TTN: variants seen among roughly 807,000 people sequenced by gnomAD.
TTN encodes connectin.
A neutral mutation model predicts 3,223.0 loss-of-function variants in TTN; 1,525 were observed. The observed-to-expected ratio is 0.47, with a 90% confidence interval of 0.45 to 0.49. The LOEUF is 0.49. TTN is among the 20% of genes least tolerant of loss of function. TTN has a pLI of 0.00. For missense variants in TTN, 40,786 were observed against 43,424.0 expected (o/e 0.94, Z 5.40); for synonymous variants, 14,094 against 15,161.0 (o/e 0.93, Z 5.17).
rs897307802 is a variant in TTN at position 178,682,621 on chromosome 2, T to A, written c.33094+76A>T. 52 of 1,353,176 alleles carry A rather than the reference T, an allele frequency of 3.8e-5. 1 individual carries two copies. The South Asian group carries it at 8.7e-4, about 23-fold the overall frequency. 83.8% of individuals were successfully genotyped at this position (1,353,176 alleles called of 1,614,324 possible). A position where few individuals can be genotyped will look rare whatever the true frequency, so the allele number is the denominator to read the frequency against. On this transcript the variant is annotated intron_variant, in intron 135 of 362. Transcript: ENST00000589042. ...TTGGGTATCCAAATTTTTATCTTGT[T>A]ATGATTTATCTTGTTTTATCTTGTT... is the stretch of plus-strand genomic sequence containing the variant.
At chr2:178,794,366 T>A in intron 8 of TTN, 33 bp downstream of exon 8, 4 of 1,613,548 alleles carry the variant, frequency 2.5e-6, no homozygotes, top group Non-Finnish European at 3.4e-6. Context: ...AGGACGTGGC[T>A]CTGCGGGTGC....
At position 178,577,106 on chromosome 2, in the gene TTN, G is replaced by T; in HGVS notation, c.69229C>A (p.Leu23077Ile). The T allele has an allele frequency of 6.2e-7, 1 of 1,613,234 alleles. No homozygotes were observed. Among genetic ancestry groups the T allele is most frequent in the Non-Finnish European group, 8.5e-7 (1 of 1,179,542 alleles). The change falls in exon 324 of 363, where the codon CTT becomes ATT. Residue 23077 changes from leucine to isoleucine, a missense_variant. Transcript: ENST00000589042. ...DGGSPIKSYI[L>I]EKRETSRLLW... Reference sequence around the variant, plus strand: ...AGTCGGCTGGTTTCTCTCTTTTCAAGTATATAGGACTTAATTGGTGAGCCG... The same window carrying T: ...AGTCGGCTGGTTTCTCTCTTTTCAATTATATAGGACTTAATTGGTGAGCCG...
In TTN at chr2:178,692,497, CT is replaced by C; in HGVS notation, c.31677del (p.Val10560PhefsTer65). The C allele has an allele frequency of 6.4e-7, 1 of 1,573,414 alleles. No homozygotes were observed. Among genetic ancestry groups the C allele is most frequent in the Non-Finnish European group, 8.6e-7 (1 of 1,157,466 alleles). On this transcript the variant is annotated frameshift_variant and splice_region_variant, in exon 120 of 363. Coordinates refer to ENST00000589042, the MANE Select transcript of TTN (RefSeq NM_001267550.2). LOFTEE classifies it high-confidence loss of function. Reference protein sequence around the residue: ...IPKKVEPPAPKVPEVPKKPVP... With the variant: ...IPKKVEPPAPXVPEVPKKPVP... ...ATTTTTTTCACAAATATTATTCTAC[CT>C]TTTGGTGCTGGGGGCTCCACTTTTT...
rs2053607057 is a variant in TTN at position 178,602,071 on chromosome 2, A to G, written c.55200T>C (p.Ala18400=). The G allele has an allele frequency of 6.2e-7, 1 of 1,612,652 alleles. No individual in the cohort carries two copies. Among genetic ancestry groups the G allele is most frequent in the South Asian group, 1.1e-5 (1 of 91,020 alleles). ...CKAGSQIRIP[A]VIKGRPTPKS... is the part of the protein sequence containing the mutation. ...TTGGTGTTGGGCGTCCCTTGATGAC[A>G]GCAGGAATCCTAATCTGTGAGCCAG... Residue 18400 remains alanine, a synonymous_variant, in exon 284 of 363, where the codon GCT becomes GCC. Transcript: ENST00000589042.
rs1250361204 is a variant in TTN at position 178,532,420 on chromosome 2, T to C, written c.104195A>G (p.His34732Arg). Reference sequence around the variant, plus strand: ...ACTAGCTTCAGCCTTCGTTGGGATGTGATAGGTTGAATACCTGAAGTCTTT... The same window carrying C: ...ACTAGCTTCAGCCTTCGTTGGGATGCGATAGGTTGAATACCTGAAGTCTTT... ...TRKDFRYSTY[H>R]IPTKAEASTS... Residue 34732 changes from histidine (H) to arginine (R), a missense_variant, in exon 358 of 363, where the codon CAC (histidine) becomes CGC (arginine). His to Arg is a conservative substitution (Grantham distance 29). Coordinates refer to ENST00000589042, the MANE Select transcript of TTN (RefSeq NM_001267550.2). The C allele has an allele frequency of 1.9e-6, 3 of 1,613,896 alleles. No individual in the cohort carries two copies. Among genetic ancestry groups the C allele is most frequent in the African/African-American group, 2.7e-5 (2 of 74,938 alleles).
chr2:178,538,033 A>G (rs1692456686), intron 354 of TTN, 116 bp from the exon 355 acceptor site: 1 of 974,560 alleles, frequency 1.0e-6, no homozygotes, highest in South Asian at 1.8e-5. Flanking sequence ...TGATTTACAT[A>G]TTAGCCTAAT....
intron 354 of TTN, 73 bp from the exon 355 acceptor site, chr2:178,537,990 G>C: frequency 7.6e-7 from 1 of 1,312,606 alleles, no homozygotes; most frequent in South Asian, 1.5e-5. Flanking sequence ...TGTATATCAG[G>C]AATGAATTTA....
Position 178,607,946 on chromosome 2 carries a change from T to C in TTN, c.52841A>G (p.Asn17614Ser), listed in dbSNP as rs1162109348. The C allele has an allele frequency of 6.2e-7, 1 of 1,612,860 alleles. No homozygotes were observed. Among genetic ancestry groups the C allele is most frequent in the Non-Finnish European group, 8.5e-7 (1 of 1,179,302 alleles). The change falls in exon 276 of 363, where the codon AAT (asparagine) becomes AGT (serine). Residue 17614 changes from asparagine (N) to serine (S), a missense_variant. Coordinates refer to ENST00000589042, the MANE Select transcript of TTN (RefSeq NM_001267550.2). ...YFVDKQLVGTNEWSRCTEKMI... is the reference protein window; with the variant it reads ...YFVDKQLVGTSEWSRCTEKMI... ...CTTCTCTGTGCAGCGTGACCATTCA[T>C]TTGTGCCAACCAACTGCTTATCAAC...
In TTN at chr2:178,675,038, C is replaced by A; in HGVS notation, c.34612+1G>T. The A allele has an allele frequency of 1.3e-6, 2 of 1,523,712 alleles. No homozygotes were observed. The highest frequency in any genetic ancestry group is 1.8e-6 in the Non-Finnish European group (2 of 1,139,692). 94.4% of individuals were successfully genotyped at this position (1,523,712 alleles called of 1,614,324 possible). On this transcript the variant is annotated splice_donor_variant, in intron 150 of 362. Coordinates refer to ENST00000589042, the MANE Select transcript of TTN (RefSeq NM_001267550.2). LOFTEE classifies it high-confidence loss of function. ...TGTTATTTTCTTAGAAAGTTATCTA[C>A]CTTCAACTGGTAGAACTTCCTCTTC...
intron 46 of TTN, 117 bp downstream of exon 46, chr2:178,756,105 G>C (rs370728141): frequency 2.1e-5 from 16 of 765,842 alleles, no homozygotes; most frequent in African/African-American, 1.7e-4. Context: ...TTATGAATAG[G>C]GTGCTAATTT....
At chr2:178,789,885 T>TA in intron 12 of TTN, 93 bp downstream of exon 12, 3 of 1,550,046 alleles carry the variant, frequency 1.9e-6, no homozygotes, top group Non-Finnish European at 2.7e-6. Context: ...AAAAGGCAAA[T>TA]ACAGATTAAT....
In TTN at chr2:178,537,504, T is replaced by C; in HGVS notation, c.99703A>G (p.Lys33235Glu). 6.2e-7 allele frequency: 1 copy of C among 1,613,778 alleles called. No homozygotes were observed. The highest frequency in any genetic ancestry group is 2.2e-5 in the East Asian group (1 of 44,866). The part of the protein sequence containing the change: ...VPAMTWFHGQ[K>E]LLQNSENITI... ...ATGTTTTCTGAGTTTTGCAAAAGTT[T>C]CTGACCATGGAACCAAGTCATGGCA... The change falls in exon 355 of 363, where the codon AAA (lysine) becomes GAA (glutamate). Residue 33235 changes from lysine (K) to glutamate (E), a missense_variant. Transcript: ENST00000589042.
Position 178,764,632 on chromosome 2 carries a change from T to G in TTN, c.9883A>C (p.Thr3295Pro). Residue 3295 changes from threonine to proline, a missense_variant, in exon 42 of 363, where the codon ACG becomes CCG. Physicochemically the swap from Thr to Pro is conservative, Grantham distance 38. Transcript: ENST00000589042. ...GGGAAGGCTTCAATTAGCAAAAGCG[T>G]GTATTCTTGCCCATCATGAAGAAAT... ...CKFLHDGQEY[T>P]LLLIEAFPED... The G allele has an allele frequency of 6.2e-7, 1 of 1,614,088 alleles. No homozygotes were observed. The highest frequency in any genetic ancestry group is 1.7e-5 in the Admixed American group (1 of 60,014).
At position 178,729,139 on chromosome 2, in the gene TTN, T is replaced by C; in HGVS notation, c.18899A>G (p.Asn6300Ser). 6.3e-7 allele frequency: 1 copy of C among 1,594,254 alleles called. No homozygotes were observed. The highest frequency in any genetic ancestry group is 8.5e-7 in the Non-Finnish European group (1 of 1,170,614). ...AGAACTTTTCAAAACAGTAGTGGTA[T>C]TTTCTATCTTCTTAATGAATGATGG... Reference protein sequence around the residue: ...EPPSFIKKIENTTTVLKSSAT... With the variant: ...EPPSFIKKIESTTTVLKSSAT... Residue 6300 changes from asparagine (N) to serine (S), a missense_variant, in exon 65 of 363, where the codon AAT (asparagine) becomes AGT (serine). Coordinates refer to ENST00000589042, the MANE Select transcript of TTN (RefSeq NM_001267550.2).
At chr2:178,586,394 T>C (rs1291867231) in intron 308 of TTN, 111 bp downstream of exon 308, 27 of 1,340,692 alleles carry the variant, frequency 2.0e-5, no homozygotes, top group Non-Finnish European at 2.1e-6. Context: ...TGTTCTCTAC[T>C]GTTTTTCAAG....
rs371741319 is a variant in TTN at position 178,629,346 on chromosome 2, T to C, written c.44379A>G (p.Pro14793=). The C allele has an allele frequency of 5.6e-6, 9 of 1,612,818 alleles. No individual in the cohort carries two copies. The highest frequency in any genetic ancestry group is 1.6e-4 in the Middle Eastern group (1 of 6,070). The change falls in exon 240 of 363, where the codon CCA becomes CCG. Residue 14793 remains proline, a synonymous_variant. Coordinates refer to ENST00000589042, the MANE Select transcript of TTN (RefSeq NM_001267550.2). ...FDCELSYEDI[P]VEWYLKGKKL... is the part of the protein sequence containing the mutation. ...TCTTCCCTTTGAGATACCATTCCAC[T>C]GGGATATCTTCGTAGGAGAGCTCGC...
At chr2:178,700,423 T>A (rs1427079954) in intron 111 of TTN, among the ~76,000 whole-genome samples, 6 of 152,208 alleles carry the variant, frequency 3.9e-5, no homozygotes, top group African/African-American at 1.4e-4. Context: ...AAAAATGTGA[T>A]TTTGACATAC....
chr2:178,633,109 T>G, intron 233 of TTN, 65 bp from the exon 234 acceptor site: 1 of 1,599,490 alleles, frequency 6.3e-7, no homozygotes, highest in South Asian at 1.1e-5. Context: ...CTACAAATCA[T>G]CAAGATATTT....
Position 178,756,341 on chromosome 2 carries a change from C to T in TTN, c.11135G>A (p.Gly3712Glu). 2 of 1,613,846 alleles carry T rather than the reference C, an allele frequency of 1.2e-6. No individual in the cohort carries two copies. The highest frequency in any genetic ancestry group is 1.7e-6 in the Non-Finnish European group (2 of 1,179,810). ...ACATATGGTAAGAAACTGAATATTT[C>T]CATTTTGTGATTGTTTCAGTCTCTC... Reference protein sequence around the residue: ...ESERLKQSQNGNIQFLTICNV... With the variant: ...ESERLKQSQNENIQFLTICNV... Residue 3712 changes from glycine to glutamate, a missense_variant, in exon 46 of 363, where the codon GGA (glycine) becomes GAA (glutamate). Coordinates refer to ENST00000589042, the MANE Select transcript of TTN (RefSeq NM_001267550.2).
Sources: allele counts gnomAD v4.1 joint callset (sites outside exome capture counted in the v4.1 genomes callset), GRCh38; gene constraint gnomAD v4.1.1; transcripts MANE v1.5; gene names NCBI Gene and HGNC (gene_info 2026-07-23, HGNC 2026-07-21).